Variants in PABPC4L observed in about 807,000 individuals in gnomAD.
PABPC4L encodes the protein polyadenylate-binding protein 4-like.
For missense variants in PABPC4L, 452 were observed against 451.4 expected, an observed-to-expected ratio of 1.00 and a Z score of -0.01; for synonymous variants, 169 against 164.1, an observed-to-expected ratio of 1.03 and a Z score of -0.23.
the PABPC4L span, among the ~76,000 whole-genome samples, chr4:134,143,221 G>A: frequency 1.3e-5 from 2 of 150,368 alleles, no homozygotes; most frequent in Admixed American, 1.3e-4. Context: ...TTGATACATT[G>A]TAGATATTAT....
the PABPC4L span, among the ~76,000 whole-genome samples, chr4:133,991,475 A>T: frequency 6.6e-6 from 1 of 152,162 alleles, no homozygotes. Context: ...TACATATTCC[A>T]AGGCAGGCTT....
At chr4:133,948,813 A>T in the PABPC4L span, among the ~76,000 whole-genome samples, 38 of 152,268 alleles carry the variant, frequency 2.5e-4, no homozygotes, top group African/African-American at 9.1e-4. Flanking sequence ...TGAACCCAAC[A>T]TTTACATCCC....
chr4:134,172,499 C>CA, the PABPC4L span, among the ~76,000 whole-genome samples: 1 of 151,990 alleles, frequency 6.6e-6, no homozygotes, highest in Non-Finnish European at 1.5e-5. Flanking sequence ...ACACCATATG[C>CA]AAAAATCAGT....
the PABPC4L span, among the ~76,000 whole-genome samples, chr4:134,151,362 A>G: frequency 2.0e-4 from 30 of 152,202 alleles, no homozygotes; most frequent in Middle Eastern, 3.4e-3. Context: ...CATGGTTACA[A>G]TTTTCTCAGC....
At chr4:134,112,518 T>A in the PABPC4L span, among the ~76,000 whole-genome samples, 1 of 151,872 alleles carries the variant, frequency 6.6e-6, no homozygotes, top group African/African-American at 2.4e-5. Context: ...AAGAGAGTTG[T>A]TACTGCAAAA....
At chr4:134,041,121 TG>T in the PABPC4L span, among the ~76,000 whole-genome samples, 1 of 152,288 alleles carries the variant, frequency 6.6e-6, no homozygotes, top group Middle Eastern at 3.4e-3. Flanking sequence ...TTTACACTGT[TG>T]GTGGCAGTGT....
chr4:134,166,505 G>A, the PABPC4L span, among the ~76,000 whole-genome samples: 1 of 152,110 alleles, frequency 6.6e-6, no homozygotes, highest in Admixed American at 6.5e-5. Flanking sequence ...TTGCCTATGA[G>A]GGTCTAGAAT....
At chr4:134,108,179 A>G in the PABPC4L span, among the ~76,000 whole-genome samples, 2 of 151,744 alleles carry the variant, frequency 1.3e-5, no homozygotes, top group African/African-American at 4.8e-5. Context: ...ACATGTACAC[A>G]TATATACTGA....
chr4:134,047,578 G>C, the PABPC4L span, among the ~76,000 whole-genome samples: 31 of 152,246 alleles, frequency 2.0e-4, no homozygotes, highest in African/African-American at 7.5e-4. Context: ...AAATTAAGAA[G>C]TTTATGCTCT....
At chr4:134,033,690 C>T in the PABPC4L span, among the ~76,000 whole-genome samples, 2 of 151,852 alleles carry the variant, frequency 1.3e-5, no homozygotes, top group Non-Finnish European at 2.9e-5. Context: ...TAAGCCAAAT[C>T]GCAATCTAGA....
the PABPC4L span, among the ~76,000 whole-genome samples, chr4:134,073,468 G>A: frequency 2.6e-5 from 4 of 152,172 alleles, 1 homozygote; most frequent in Admixed American, 2.0e-4. Flanking sequence ...TTGCTTTCAC[G>A]GGCTGGTGTT....
chr4:133,971,402 C>G, the PABPC4L span, among the ~76,000 whole-genome samples: 1 of 152,060 alleles, frequency 6.6e-6, no homozygotes, highest in Non-Finnish European at 1.5e-5. Flanking sequence ...TGAGCCACCG[C>G]GCCCGGCCTT....
the PABPC4L span, among the ~76,000 whole-genome samples, chr4:134,138,086 A>G: frequency 6.6e-6 from 1 of 151,702 alleles, no homozygotes. Flanking sequence ...AAGATTTAAA[A>G]TGTTTTATGA....
chr4:134,147,701 T>G, the PABPC4L span, among the ~76,000 whole-genome samples: 1 of 151,532 alleles, frequency 6.6e-6, no homozygotes, highest in South Asian at 2.1e-4. Flanking sequence ...ACCCCCTCTT[T>G]TGGTAGTCAA....
chr4:134,183,407 G>C, the PABPC4L span, among the ~76,000 whole-genome samples: 1 of 151,672 alleles, frequency 6.6e-6, no homozygotes, highest in Non-Finnish European at 1.5e-5. Context: ...AATAAACTTT[G>C]AGTACATATG....
At chr4:134,177,160 C>T in the PABPC4L span, among the ~76,000 whole-genome samples, 2 of 150,800 alleles carry the variant, frequency 1.3e-5, no homozygotes, top group Admixed American at 6.7e-5. Flanking sequence ...GCTTCTATCC[C>T]AGCCATCCCT....
At chr4:134,089,780 C>T in the PABPC4L span, among the ~76,000 whole-genome samples, 6 of 151,914 alleles carry the variant, frequency 3.9e-5, no homozygotes, top group South Asian at 2.1e-4. Flanking sequence ...TAGGGCTGAG[C>T]GCAGACTGTA....
chr4:134,098,224 C>T, the PABPC4L span, among the ~76,000 whole-genome samples: 10 of 151,726 alleles, frequency 6.6e-5, no homozygotes, highest in East Asian at 1.9e-4. Context: ...ATGGACATAG[C>T]GCTAGCACTC....
the PABPC4L span, among the ~76,000 whole-genome samples, chr4:134,131,344 A>T: frequency 6.6e-6 from 1 of 152,114 alleles, no homozygotes; most frequent in African/African-American, 2.4e-5. Flanking sequence ...AGTTCAGCAG[A>T]GCTTCAGGAA....
Sources: allele counts gnomAD v4.1 joint callset (sites outside exome capture counted in the v4.1 genomes callset), GRCh38; gene constraint gnomAD v4.1.1; transcripts MANE v1.5; gene names NCBI Gene and HGNC (gene_info 2026-07-23, HGNC 2026-07-21).